Variants in CRB1 observed in about 807,000 individuals in gnomAD.
The protein encoded by CRB1 is protein crumbs homolog 1.
CRB1 carries 83 observed loss-of-function variants against 120.0 expected under a neutral mutation model. The observed-to-expected ratio is 0.69, with a 90% CI of 0.58 to 0.83. The LOEUF is 0.83. Ranked by LOEUF, CRB1 falls within the 40% of genes least tolerant of loss-of-function variation. The pLI is 0.00. For missense variants in CRB1, 1,699 were observed against 1,687.6 expected (o/e 1.01, Z -0.12); for synonymous variants, 625 against 612.5 (o/e 1.02, Z -0.30).
At chr1:197,447,532 G>A (rs938204423) in intron 11 of CRB1, 3 of 151,962 alleles carry the variant, frequency 2.0e-5, no homozygotes, top group East Asian at 1.9e-4. Context: ...GACCAACCAT[G>A]GGGGGTTCAC....
chr1:197,209,408 C>T, the CRB1 span, among the ~76,000 whole-genome samples: 715 of 152,102 alleles, frequency 4.7e-3, 4 homozygotes, highest in South Asian at 0.011. Flanking sequence ...TCAGTGGTGG[C>T]GATCTTGGCT....
rs777323179 is a variant in CRB1, at chr1:197,438,621, CAG to C, written c.3827_3828del (p.Glu1276ValfsTer4). 1.2e-6 allele frequency: 2 copies of C among 1,612,964 alleles called. No individual in the cohort carries two copies. Among genetic ancestry groups the C allele is most frequent in the Non-Finnish European group, 8.5e-7 (1 of 1,179,108 alleles). ...ACTTGCTACAATGGAGGCAACTGCACAGAGTTCCAGACTGAATTAAAATGTAT... is the reference window on the plus strand; with the variant it reads ...ACTTGCTACAATGGAGGCAACTGCACAGTTCCAGACTGAATTAAAATGTAT... On this transcript the variant is annotated frameshift_variant, in exon 10 of 12. Coordinates refer to ENST00000367400, the MANE Select transcript of CRB1 (RefSeq NM_201253.3). LOFTEE classifies it high-confidence loss of function.
At chr1:197,250,139 T>C in the CRB1 span, among the ~76,000 whole-genome samples, 2 of 152,036 alleles carry the variant, frequency 1.3e-5, no homozygotes, top group Non-Finnish European at 1.5e-5. Flanking sequence ...CTCCAAATCA[T>C]GTAGTCACAC....
chr1:197,318,237 AAAG>A (rs368149064), intron 1 of CRB1, among the ~76,000 whole-genome samples: 129 of 152,324 alleles, frequency 8.5e-4, no homozygotes, highest in East Asian at 4.1e-3. Flanking sequence ...GATAAATGAA[AAAG>A]AAGATGTTCA....
At chr1:197,303,332 T>C (rs1287015406) in intron 1 of CRB1, among the ~76,000 whole-genome samples, 4 of 132,620 alleles carry the variant, frequency 3.0e-5, no homozygotes, top group Non-Finnish European at 4.7e-5. Context: ...CCTTCCTGTG[T>C]CCATGTGTTC....
intron 7 of CRB1, chr1:197,428,894 T>A: frequency 7.0e-7 from 1 of 1,434,758 alleles, no homozygotes; most frequent in Non-Finnish European, 9.3e-7. Context: ...ATAAATTTCT[T>A]TTTAAATACT....
chr1:197,373,501 G>A (rs759372683), intron 5 of CRB1, among the ~76,000 whole-genome samples: 1 of 152,142 alleles, frequency 6.6e-6, no homozygotes, highest in African/African-American at 2.4e-5. Context: ...GCATAATCAT[G>A]AATTTTCAAA....
At chr1:197,364,450 C>A (rs1660955403) in intron 5 of CRB1, among the ~76,000 whole-genome samples, 1 of 152,126 alleles carries the variant, frequency 6.6e-6, no homozygotes, top group Non-Finnish European at 1.5e-5. Flanking sequence ...GGCTTGTCAG[C>A]CAATTTTTCT....
chr1:197,307,923 A>G (rs975690175), intron 1 of CRB1, among the ~76,000 whole-genome samples: 2 of 152,168 alleles, frequency 1.3e-5, no homozygotes, highest in African/African-American at 4.8e-5. Context: ...TAACCCAGCA[A>G]TCTCATTACT....
At chr1:197,299,926 A>G (rs1471535507) in intron 1 of CRB1, among the ~76,000 whole-genome samples, 3 of 151,732 alleles carry the variant, frequency 2.0e-5, no homozygotes, top group South Asian at 2.1e-4. Context: ...AATTTTTGCA[A>G]TATCTCAAAC....
At chr1:197,352,188 T>C (rs1292917134) in intron 4 of CRB1, among the ~76,000 whole-genome samples, 1 of 152,224 alleles carries the variant, frequency 6.6e-6, no homozygotes, top group African/African-American at 2.4e-5. Flanking sequence ...TTCAGAGTTT[T>C]ACAGAAAAAT....
rs1208132660 is a variant in CRB1, at chr1:197,347,453, A to T, written c.962A>T (p.Asp321Val). 3 of 1,614,062 alleles carry T rather than the reference A, an allele frequency of 1.9e-6. No individual in the cohort carries two copies. The highest frequency in any genetic ancestry group is 2.5e-6 in the Non-Finnish European group (3 of 1,180,010). The change falls in exon 4 of 12, where the codon GAC (aspartate) becomes GTC (valine). Residue 321 changes from aspartate to valine, a missense_variant. Transcript: ENST00000367400. ...HNNATCEDSV[D>V]NYTCHCWPGY... is the part of the protein sequence containing the mutation. The stretch of plus-strand genomic sequence containing the variant: ...AATGCTACATGTGAGGACAGTGTTG[A>T]CAATTACACTTGTCACTGCTGGCCT...
chr1:197,308,742 G>A (rs1428963761), intron 1 of CRB1, among the ~76,000 whole-genome samples: 1 of 151,502 alleles, frequency 6.6e-6, no homozygotes, highest in African/African-American at 2.4e-5. Context: ...GAACTATTAT[G>A]ATAATAGTGA....
chr1:197,357,996 C>T (rs1426970543), intron 5 of CRB1: 1 of 152,132 alleles, frequency 6.6e-6, no homozygotes, highest in East Asian at 1.9e-4. Flanking sequence ...GCATGCTTTC[C>T]ACCCTAGTTT....
At chr1:197,410,562 A>G (rs1663654591) in intron 5 of CRB1, among the ~76,000 whole-genome samples, 1 of 152,234 alleles carries the variant, frequency 6.6e-6, no homozygotes, top group African/African-American at 2.4e-5. Flanking sequence ...CAATTGCCTC[A>G]TTTAATCCTT....
chr1:197,387,525 T>C (rs575689568), intron 5 of CRB1, among the ~76,000 whole-genome samples: 1 of 152,080 alleles, frequency 6.6e-6, no homozygotes, highest in Non-Finnish European at 1.5e-5. Context: ...TCTCTACATC[T>C]TTTTTGGAGC....
chr1:197,404,441 C>CAAAAAA (rs558125777), intron 5 of CRB1, among the ~76,000 whole-genome samples: 4 of 58,712 alleles, frequency 6.8e-5, no homozygotes, highest in African/African-American at 2.3e-4. Flanking sequence ...GACTCCGTCT[C>CAAAAAA]AAAAAAAAAA....
chr1:197,461,814 A>G (rs958224258), intron 11 of CRB1, among the ~76,000 whole-genome samples: 1 of 152,188 alleles, frequency 6.6e-6, no homozygotes, highest in Non-Finnish European at 1.5e-5. Context: ...ATTTATGTCC[A>G]GGAGTGCTGC....
At chr1:197,312,467 G>C (rs761301149) in intron 1 of CRB1, among the ~76,000 whole-genome samples, 12 of 152,046 alleles carry the variant, frequency 7.9e-5, no homozygotes, top group East Asian at 1.9e-4. Context: ...CTTGTAATCC[G>C]AGCCATCAGG....
Sources: allele counts gnomAD v4.1 joint callset (sites outside exome capture counted in the v4.1 genomes callset), GRCh38; gene constraint gnomAD v4.1.1; transcripts MANE v1.5; gene names NCBI Gene and HGNC (gene_info 2026-07-23, HGNC 2026-07-21).